Variants in PGGT1B observed in about 807,000 individuals in gnomAD.
PGGT1B encodes the protein protein geranylgeranyltransferase type I subunit beta, also known as geranylgeranyl transferase type-1 subunit beta.
PGGT1B carries 30 observed loss-of-function variants against 46.1 expected under a neutral mutation model. That is an observed-to-expected ratio of 0.65 (90% CI 0.49 to 0.88). PGGT1B has a LOEUF of 0.88. PGGT1B is among the 40% of genes least tolerant of loss of function. The pLI is 0.00. For synonymous variants in PGGT1B, 170 were observed against 160.0 expected, an observed-to-expected ratio of 1.06 and a Z score of -0.47; for missense variants, 376 against 455.9, an observed-to-expected ratio of 0.82 and a Z score of 1.60.
intron 3 of PGGT1B, among the ~76,000 whole-genome samples, chr5:115,240,585 CCTTGACACAGGCAAG>C (rs1757318548): frequency 6.6e-6 from 1 of 152,160 alleles, no homozygotes; most frequent in Non-Finnish European, 1.5e-5. Flanking sequence ...ATTCATATGA[CCTTGACACAGGCAAG>C]CTGGTTTACA....
At chr5:115,245,652 G>A (rs1173904482) in intron 2 of PGGT1B, among the ~76,000 whole-genome samples, 1 of 152,198 alleles carries the variant, frequency 6.6e-6, no homozygotes, top group Non-Finnish European at 1.5e-5. Flanking sequence ...TTTATCAAAA[G>A]TGAAACAGGA....
chr5:115,260,234 C>T (rs1748496728), intron 1 of PGGT1B, among the ~76,000 whole-genome samples: 1 of 152,044 alleles, frequency 6.6e-6, no homozygotes, highest in African/African-American at 2.4e-5. Context: ...GTAATTTTGC[C>T]AAAATGGTGA....
In PGGT1B at chr5:115,208,404, A is replaced by G. The variant is rs560233183; in HGVS notation, c.*3998T>C. The G allele has an allele frequency of 1.3e-5, 2 of 152,074 alleles. No homozygotes were observed. Among genetic ancestry groups the G allele is most frequent in the South Asian group, 2.1e-4 (1 of 4,822 alleles). 9.4% of individuals were successfully genotyped at this position (152,074 alleles called of 1,614,324 possible). ...CTTGATGCTTCTTTTGGTAAGGGGT[A>G]CTTTTAACTATTTGTTTCTTCTACG... On this transcript the variant is annotated 3_prime_UTR_variant, in exon 9 of 9. Transcript: ENST00000419445.
intron 1 of PGGT1B, among the ~76,000 whole-genome samples, chr5:115,261,744 G>T (rs1407553743): frequency 6.6e-6 from 1 of 152,170 alleles, no homozygotes. Context: ...CCTTTAGGAA[G>T]GGTGTTTAAG....
chr5:115,216,810 T>G (rs937926089), intron 8 of PGGT1B, 55 bp downstream of exon 8: 1 of 860,362 alleles, frequency 1.2e-6, no homozygotes, highest in Non-Finnish European at 2.0e-6. Flanking sequence ...ATAAAGATGC[T>G]TGAAGATCTA....
At chr5:115,221,051 A>T (rs1756573213) in intron 7 of PGGT1B, among the ~76,000 whole-genome samples, 1 of 152,008 alleles carries the variant, frequency 6.6e-6, no homozygotes, top group Non-Finnish European at 1.5e-5. Flanking sequence ...ATGGTACTAC[A>T]AGTGAGGAGA....
intron 1 of PGGT1B, among the ~76,000 whole-genome samples, chr5:115,257,012 A>G (rs1247714470): frequency 6.6e-6 from 1 of 152,236 alleles, no homozygotes; most frequent in African/African-American, 2.4e-5. Flanking sequence ...TAAGCAAACA[A>G]TATCTTTCTG....
chr5:115,251,261 T>C (rs1374116922), intron 2 of PGGT1B, among the ~76,000 whole-genome samples: 1 of 152,124 alleles, frequency 6.6e-6, no homozygotes, highest in East Asian at 1.9e-4. Flanking sequence ...ACCCTTGTTA[T>C]TTTCCACCTT....
intron 2 of PGGT1B, among the ~76,000 whole-genome samples, chr5:115,246,288 G>A (rs2127021571): frequency 6.6e-6 from 1 of 151,868 alleles, no homozygotes; most frequent in Non-Finnish European, 1.5e-5. Flanking sequence ...CCCGGGAGGT[G>A]GAGGTTGCAG....
At chr5:115,213,639 C>T (rs756544385) in intron 8 of PGGT1B, among the ~76,000 whole-genome samples, 3 of 151,990 alleles carry the variant, frequency 2.0e-5, no homozygotes, top group Admixed American at 6.6e-5. Flanking sequence ...GGTATGGTGG[C>T]GTGCGCCTGT....
intron 5 of PGGT1B, among the ~76,000 whole-genome samples, chr5:115,236,106 T>G (rs1314490955): frequency 6.6e-6 from 1 of 152,250 alleles, no homozygotes; most frequent in South Asian, 2.1e-4. Context: ...GCTGTCAATA[T>G]TCGACTTTCA....
rs553191350 is a variant in PGGT1B at position 115,218,529 on chromosome 5, T to A, written c.844-1556A>T. On this transcript the variant is annotated intron_variant, in intron 7 of 8. Transcript: ENST00000419445. The stretch of plus-strand genomic sequence containing the variant: ...AAAAAACCCAAACTCTAAAATCTAA[T>A]ATTTTATTGGAAAGGCTGAGGGGAT... 1.8e-3 allele frequency among the ~76,000 whole-genome samples: 269 copies of A among 147,206 alleles called. 1 individual carries two copies. Among genetic ancestry groups the A allele is most frequent in the Non-Finnish European group, 2.9e-3 (197 of 66,794 alleles).
At chr5:115,257,637 T>G (rs1430032472) in intron 1 of PGGT1B, among the ~76,000 whole-genome samples, 1 of 151,990 alleles carries the variant, frequency 6.6e-6, no homozygotes, top group African/African-American at 2.4e-5. Flanking sequence ...CACTAATTTA[T>G]GAGAGTTGAC....
At position 115,262,735 on chromosome 5, in the gene PGGT1B, G is replaced by C. The variant is rs1188610625; in HGVS notation, c.117C>G (p.Arg39=). The C allele has an allele frequency of 6.2e-7, 1 of 1,611,796 alleles. No individual in the cohort carries two copies. Among genetic ancestry groups the C allele is most frequent in the Non-Finnish European group, 8.5e-7 (1 of 1,178,912 alleles). Residue 39 remains arginine, a synonymous_variant, in exon 1 of 9, where the codon CGC becomes CGG. Transcript: ENST00000419445. ...FQRCLQVLPE[R]YSSLETSRLT... ...ACCTGCTTGTCTCGAGTGAAGAATAGCGCTCCGGCAAAACCTGGAGGCAGC... is the reference window on the plus strand; with the variant it reads ...ACCTGCTTGTCTCGAGTGAAGAATACCGCTCCGGCAAAACCTGGAGGCAGC...
At chr5:115,243,855 C>T (rs1323317421) in intron 2 of PGGT1B, among the ~76,000 whole-genome samples, 1 of 152,120 alleles carries the variant, frequency 6.6e-6, no homozygotes, top group Non-Finnish European at 1.5e-5. Context: ...CTTGCCATTT[C>T]TCATATATGG....
intron 5 of PGGT1B, among the ~76,000 whole-genome samples, chr5:115,235,946 A>G (rs1757170975): frequency 6.6e-6 from 1 of 152,152 alleles, no homozygotes; most frequent in South Asian, 2.1e-4. Context: ...TTTTATACAG[A>G]GATGACACAG....
In PGGT1B at chr5:115,205,258, G is replaced by T. The variant is rs1457157646; in HGVS notation, c.*7144C>A. ...CACCTATACTTTAAGAAAACTTTTT[G>T]ACTCACAAGTAGATGCAAACATACA... On this transcript the variant is annotated 3_prime_UTR_variant, in exon 9 of 9. Transcript: ENST00000419445. 2 of 151,986 alleles carry T rather than the reference G, an allele frequency of 1.3e-5. No homozygotes were observed. Among genetic ancestry groups the T allele is most frequent in the African/African-American group, 4.8e-5 (2 of 41,400 alleles). 9.4% of individuals were successfully genotyped at this position (151,986 alleles called of 1,614,324 possible). A position where few individuals can be genotyped will look rare whatever the true frequency, so the allele number is the denominator to read the frequency against.
chr5:115,204,559 C>A lies in PGGT1B; in HGVS notation c.*7843G>T, dbSNP rs1756009798. 6.6e-6 allele frequency: 1 copy of A among 152,060 alleles called. No individual in the cohort carries two copies. The highest frequency in any genetic ancestry group is 2.1e-4 in the South Asian group (1 of 4,818). The allele number at this position is 152,060 out of a possible 1,614,324, so 9.4% of individuals were successfully genotyped here. On this transcript the variant is annotated 3_prime_UTR_variant, in exon 9 of 9. Transcript: ENST00000419445. ...TCAATAACGGAATACCATTTTCACC[C>A]ACCTAGAATGAAAAAACTTTAAGCT...
At chr5:115,261,300 ACT>A (rs1282318696) in intron 1 of PGGT1B, among the ~76,000 whole-genome samples, 3 of 152,022 alleles carry the variant, frequency 2.0e-5, no homozygotes, top group Non-Finnish European at 2.9e-5. Flanking sequence ...TAAACGTTTC[ACT>A]CTTTCTTTTG....
Sources: gnomAD v4.1 joint callset for allele counts (sites outside exome capture counted in the v4.1 genomes callset) on GRCh38, gnomAD v4.1.1 for gene constraint, MANE v1.5 for transcripts, NCBI Gene and HGNC (gene_info 2026-07-23, HGNC 2026-07-21) for gene names.